PCYT1B: variants seen among roughly 807,000 people sequenced by gnomAD.
PCYT1B encodes phosphate cytidylyltransferase 1B, choline, also known as choline-phosphate cytidylyltransferase B.
In PCYT1B, 10 loss-of-function variants were observed where a neutral mutation model predicts 26.4. The ratio of observed to expected loss-of-function variants is 0.38; its 90% CI spans 0.23 to 0.64. The LOEUF (loss-of-function observed/expected upper bound fraction) is 0.64, where lower values mean the gene tolerates loss of function less well. Ranked by LOEUF, PCYT1B falls within the 30% of genes least tolerant of loss-of-function variation. The pLI is 0.56. For missense variants in PCYT1B, 161 were observed against 292.7 expected, an observed-to-expected ratio of 0.55 and a Z score of 3.28; for synonymous variants, 131 against 108.4, an observed-to-expected ratio of 1.21 and a Z score of -1.29.
chrX:24,636,934 T>G (rs900692319), intron 1 of PCYT1B, among the ~76,000 whole-genome samples: 2 of 111,689 alleles, frequency 1.8e-5, no homozygotes, highest in African/African-American at 6.5e-5. Flanking sequence ...TGTACTACAA[T>G]TTTTTTAATC....
chrX:24,614,489 A>G (rs952498961), intron 2 of PCYT1B, among the ~76,000 whole-genome samples: 2 of 112,227 alleles, frequency 1.8e-5, no homozygotes, highest in Non-Finnish European at 3.8e-5. Flanking sequence ...TGAGTCCAGG[A>G]GTTCAAGACC....
At chrX:24,651,472 AAT>A (rs200652780), upstream of PCYT1B, among the ~76,000 whole-genome samples, 139 of 26,019 alleles carry the variant, frequency 5.3e-3, no homozygotes, top group African/African-American at 0.012. Flanking sequence ...AAAAAAAAAA[AAT>A]ATATATATAT....
chrX:24,646,851 G>A, intron 1 of PCYT1B, 138 bp downstream of exon 1: 2 of 506,788 alleles, frequency 3.9e-6, no homozygotes, highest in Admixed American at 3.0e-5. Context: ...ATAAACAGCT[G>A]AGAAGGATTA....
intron 2 of PCYT1B, among the ~76,000 whole-genome samples, chrX:24,610,564 T>C (rs978431394): frequency 8.0e-5 from 9 of 112,209 alleles, no homozygotes; most frequent in Admixed American, 2.9e-4. Flanking sequence ...ATGGCAGTTT[T>C]GTAAAACTTT....
At chrX:24,628,667 A>G (rs988737553) in intron 1 of PCYT1B, among the ~76,000 whole-genome samples, 1 of 111,116 alleles carries the variant, frequency 9.0e-6, no homozygotes, top group Non-Finnish European at 1.9e-5. Flanking sequence ...AGTTTTTTTC[A>G]CTCAATATAT....
At chrX:24,573,691 G>T (rs979391701) in intron 7 of PCYT1B, among the ~76,000 whole-genome samples, 1 of 111,432 alleles carries the variant, frequency 9.0e-6, no homozygotes, top group African/African-American at 3.3e-5. Context: ...AGAGAACAGG[G>T]TCTGTACTTT....
At chrX:24,651,355 T>G (rs1926759160), upstream of PCYT1B, among the ~76,000 whole-genome samples, 1 of 99,161 alleles carries the variant, frequency 1.0e-5, no homozygotes, top group East Asian at 3.2e-4. Flanking sequence ...CTCTGGAGGC[T>G]GAGGCAGGAG....
At chrX:24,613,950 CAAAAAAAAAAAAAAAAAAA>C in intron 2 of PCYT1B, among the ~76,000 whole-genome samples, 1 of 77,205 alleles carries the variant, frequency 1.3e-5, no homozygotes. Context: ...AACAACCTGT[CAAAAAAAAAAAAAAAAAAA>C]AAAAAAAAAG....
intron 1 of PCYT1B, among the ~76,000 whole-genome samples, chrX:24,628,456 A>T (rs1331847876): frequency 8.9e-6 from 1 of 111,784 alleles, no homozygotes; most frequent in Non-Finnish European, 1.9e-5. Flanking sequence ...TATATTTGTC[A>T]ATCTTTCATA....
At chrX:24,606,769 A>G (rs1315951295) in intron 3 of PCYT1B, among the ~76,000 whole-genome samples, 2 of 112,001 alleles carry the variant, frequency 1.8e-5, no homozygotes, top group Non-Finnish European at 3.8e-5. Context: ...CAGGAGGCTG[A>G]GGCGGGAGAA....
intron 6 of PCYT1B, among the ~76,000 whole-genome samples, chrX:24,575,887 C>T (rs1602153213): frequency 1.8e-5 from 2 of 112,509 alleles, no homozygotes; most frequent in East Asian, 2.8e-4. Flanking sequence ...GTGATGAAAG[C>T]TTTTGTGCTG....
At position 24,561,079 on chromosome X, in the gene PCYT1B, T is replaced by C. The variant is rs762784613; in HGVS notation, c.*1214A>G. ...TGAGTTCTCCTTCACCCAAAAATGT[T>C]ATAGGAGGCCACGAGAACAAAATAC... On this transcript the variant is annotated 3_prime_UTR_variant, in exon 8 of 8. Coordinates refer to ENST00000379144, the MANE Select transcript of PCYT1B (RefSeq NM_004845.5). The C allele has an allele frequency of 1.5e-3, 173 of 112,547 alleles. 2 individuals are homozygous for C. The highest frequency in any genetic ancestry group is 5.5e-3 in the African/African-American group (169 of 30,897). The allele number at this position is 112,547 out of a possible 1,213,427, so 9.3% of individuals were successfully genotyped here.
chrX:24,613,327 A>C (rs958006053), intron 2 of PCYT1B, among the ~76,000 whole-genome samples: 2 of 112,205 alleles, frequency 1.8e-5, no homozygotes, highest in Non-Finnish European at 3.8e-5. Flanking sequence ...TTACATATTT[A>C]TTTTATATAA....
upstream of PCYT1B, among the ~76,000 whole-genome samples, chrX:24,651,472 A>AAAATAT (rs1555965467): frequency 5.5e-3 from 142 of 25,970 alleles, 1 homozygote; most frequent in Non-Finnish European, 6.9e-3. Context: ...AAAAAAAAAA[A>AAAATAT]ATATATATAT....
At chrX:24,630,326 C>T (rs992772633) in intron 1 of PCYT1B, among the ~76,000 whole-genome samples, 2 of 111,598 alleles carry the variant, frequency 1.8e-5, no homozygotes, top group Non-Finnish European at 3.8e-5. Context: ...GACAGAGTCT[C>T]GCTCTGTCAC....
chrX:24,657,267 G>A (rs143860721), intron 1 of PCYT1B, among the ~76,000 whole-genome samples: 1,363 of 111,684 alleles, frequency 0.012, 13 homozygotes, highest in Non-Finnish European at 0.018. Context: ...TGTAAATTTT[G>A]GTCCCTTCTT....
At chrX:24,616,698 A>C (rs745630165) in intron 2 of PCYT1B, among the ~76,000 whole-genome samples, 2 of 112,004 alleles carry the variant, frequency 1.8e-5, no homozygotes, top group East Asian at 5.6e-4. Context: ...GAAGGGAATG[A>C]AACAGGAAAT....
chrX:24,642,473 G>A (rs756339599), intron 1 of PCYT1B, among the ~76,000 whole-genome samples: 37 of 112,394 alleles, frequency 3.3e-4, no homozygotes, highest in Non-Finnish European at 6.4e-4. Context: ...TATTATATTT[G>A]ATTTAGGTTT....
intron 7 of PCYT1B, among the ~76,000 whole-genome samples, chrX:24,571,940 C>G (rs914101600): frequency 9.0e-6 from 1 of 110,610 alleles, no homozygotes; most frequent in Non-Finnish European, 1.9e-5. Flanking sequence ...AGAGTGAGAC[C>G]CTGCTTTAAA....
Sources: gnomAD v4.1 joint callset for allele counts (sites outside exome capture counted in the v4.1 genomes callset) on GRCh38, gnomAD v4.1.1 for gene constraint, MANE v1.5 for transcripts, NCBI Gene and HGNC (gene_info 2026-07-23, HGNC 2026-07-21) for gene names.